RGS5: variants seen among roughly 807,000 people sequenced by gnomAD.
The protein encoded by RGS5 is regulator of G-protein signalling 5.
RGS5 carries 20 observed loss-of-function variants against 18.9 expected under a neutral mutation model. The ratio of observed to expected loss-of-function variants is 1.06; its 90% CI spans 0.74 to 1.54. RGS5 has a LOEUF of 1.54. RGS5 is among the 40% of genes most tolerant of loss of function. The pLI is 0.00. For missense variants in RGS5, 201 were observed against 211.8 expected (o/e 0.95, Z 0.32); for synonymous variants, 57 against 76.2 (o/e 0.75, Z 1.31).
intron 1 of RGS5, among the ~76,000 whole-genome samples, chr1:163,184,689 T>C (rs56949060): frequency 4.6e-5 from 7 of 152,240 alleles, no homozygotes; most frequent in African/African-American, 1.7e-4. Flanking sequence ...CTGAAGGCAA[T>C]ATGACAATGA....
chr1:163,154,884 T>C (rs933085512), intron 3 of RGS5, among the ~76,000 whole-genome samples: 13 of 149,630 alleles, frequency 8.7e-5, no homozygotes, highest in African/African-American at 2.9e-4. Context: ...GATATAGATA[T>C]AGCCTATTAT....
intron 1 of RGS5, among the ~76,000 whole-genome samples, chr1:163,199,122 T>C (rs990119570): frequency 2.0e-5 from 3 of 152,054 alleles, no homozygotes; most frequent in Non-Finnish European, 4.4e-5. Flanking sequence ...AAATCATGGG[T>C]AAAAATAAGG....
At chr1:163,212,366 A>G (rs1173008458) in intron 1 of RGS5, 2 of 152,224 alleles carry the variant, frequency 1.3e-5, no homozygotes, top group East Asian at 3.8e-4. Flanking sequence ...AAAAAAATAC[A>G]TAAGTTAATT....
At chr1:163,209,502 C>T (rs1660049315) in intron 1 of RGS5, among the ~76,000 whole-genome samples, 1 of 151,950 alleles carries the variant, frequency 6.6e-6, no homozygotes, top group South Asian at 2.1e-4. Flanking sequence ...TCATCCTATC[C>T]CAAGACAGGA....
intron 2 of RGS5, among the ~76,000 whole-genome samples, chr1:163,279,540 T>C (rs1648938988): frequency 6.6e-6 from 1 of 151,850 alleles, no homozygotes; most frequent in South Asian, 2.1e-4. Flanking sequence ...AGAGGAAAGT[T>C]TATAGCACTA....
upstream of RGS5, among the ~76,000 whole-genome samples, chr1:163,205,728 G>C (rs1659940019): frequency 6.6e-6 from 1 of 152,182 alleles, no homozygotes; most frequent in Admixed American, 6.6e-5. Flanking sequence ...TGTGCAAGTG[G>C]AAGCAGTGAG....
At chr1:163,282,281 G>T (rs1312917716) in intron 2 of RGS5, among the ~76,000 whole-genome samples, 1 of 152,010 alleles carries the variant, frequency 6.6e-6, no homozygotes, top group African/African-American at 2.4e-5. Flanking sequence ...AAAAAGATTT[G>T]AATAAACATT....
intron 1 of RGS5, among the ~76,000 whole-genome samples, chr1:163,198,625 T>G (rs1659662263): frequency 1.3e-5 from 2 of 152,092 alleles, no homozygotes; most frequent in Non-Finnish European, 2.9e-5. Context: ...TATTATCAGT[T>G]TTTTAAAATA....
At chr1:163,214,642 T>C (rs1660177902) in intron 1 of RGS5, among the ~76,000 whole-genome samples, 2 of 152,082 alleles carry the variant, frequency 1.3e-5, no homozygotes, top group South Asian at 4.1e-4. Context: ...ATCTCTCTCC[T>C]CCCCATTATG....
At chr1:163,202,695 C>T (rs760362431) in intron 1 of RGS5, 97 bp downstream of exon 1, 86 of 1,044,010 alleles carry the variant, frequency 8.2e-5, no homozygotes, top group Non-Finnish European at 1.2e-4. Flanking sequence ...CTCAGCTTAG[C>T]CATAAACTAC....
At chr1:163,249,748 G>GCACT (rs796795104) in intron 2 of RGS5, among the ~76,000 whole-genome samples, 105 of 152,224 alleles carry the variant, frequency 6.9e-4, no homozygotes, top group African/African-American at 2.5e-3. Context: ...CTGAGATCAC[G>GCACT]CCACCGCACT....
chr1:163,172,723 A>G (rs1433385600), intron 1 of RGS5: 3 of 966,686 alleles, frequency 3.1e-6, no homozygotes, highest in Middle Eastern at 2.4e-4. Context: ...TGTGAAGTCT[A>G]TTAAATTTAA....
At position 163,217,355 on chromosome 1, in the gene RGS5, C is replaced by T. The variant is rs770078011; in HGVS notation, c.69+171G>A. ...TGAAGGAACACTGATTGTTGAAGAACGGTCCCTGAAAGACATCAGCATTGG... is the reference window on the plus strand; with the variant it reads ...TGAAGGAACACTGATTGTTGAAGAATGGTCCCTGAAAGACATCAGCATTGG... On this transcript the variant is annotated intron_variant, in intron 1 of 5. Transcript: ENST00000367903. Among the ~76,000 whole-genome samples, 7 of 152,128 alleles carry T rather than the reference C, an allele frequency of 4.6e-5. No individual in the cohort carries two copies. The East Asian group carries it at 5.8e-4, about 13-fold the overall frequency.
At chr1:163,173,180 T>A (rs1302729111) in intron 1 of RGS5, among the ~76,000 whole-genome samples, 1 of 152,212 alleles carries the variant, frequency 6.6e-6, no homozygotes, top group Non-Finnish European at 1.5e-5. Context: ...CTGGCCACAT[T>A]ACATTAATGC....
At chr1:163,213,805 C>T (rs1200569819) in intron 1 of RGS5, among the ~76,000 whole-genome samples, 1 of 152,140 alleles carries the variant, frequency 6.6e-6, no homozygotes, top group Non-Finnish European at 1.5e-5. Flanking sequence ...CTTCAGTTGA[C>T]ATTTCCACCA....
intron 2 of RGS5, among the ~76,000 whole-genome samples, chr1:163,233,294 T>G (rs1389659026): frequency 1.3e-5 from 2 of 152,222 alleles, no homozygotes; most frequent in African/African-American, 4.8e-5. Context: ...CTGATTAAAA[T>G]GAGATCTATG....
Position 163,214,638 on chromosome 1 carries a change from C to T in RGS5, c.69+2888G>A, listed in dbSNP as rs145570126. 1.6e-3 allele frequency among the ~76,000 whole-genome samples: 241 copies of T among 152,226 alleles called. 1 individual carries two copies. The highest frequency in any genetic ancestry group is 5.4e-3 in the African/African-American group (224 of 41,546). ...CACCAACCACAGCTCCTTTATCTCT[C>T]TCCTCCCCATTATGGCCAAAGTTCT... is the stretch of plus-strand genomic sequence containing the variant. On this transcript the variant is annotated intron_variant, in intron 1 of 5. Transcript: ENST00000367903.
chr1:163,256,430 G>C (rs1648273985), intron 2 of RGS5, among the ~76,000 whole-genome samples: 1 of 152,182 alleles, frequency 6.6e-6, no homozygotes, highest in African/African-American at 2.4e-5. Context: ...AAGTTCAGTG[G>C]TGTTTGGAGG....
chr1:163,158,693 G>A (rs1394154565), intron 3 of RGS5, among the ~76,000 whole-genome samples: 1 of 152,168 alleles, frequency 6.6e-6, no homozygotes, highest in Non-Finnish European at 1.5e-5. Flanking sequence ...GGCAAATGGA[G>A]GCAGGGCAAG....
Sources: allele counts gnomAD v4.1 joint callset (sites outside exome capture counted in the v4.1 genomes callset), GRCh38; gene constraint gnomAD v4.1.1; transcripts MANE v1.5; gene names NCBI Gene and HGNC (gene_info 2026-07-23, HGNC 2026-07-21).